The following INSRR variants were observed in gnomAD, a reference collection of about 807,000 sequenced individuals.
The protein encoded by INSRR is insulin receptor related receptor.
Under a neutral mutation model 130.0 loss-of-function variants are expected in INSRR, and 114 were observed. The ratio of observed to expected loss-of-function variants is 0.88; its 90% CI spans 0.75 to 1.02. The LOEUF is 1.02. Among genes scored for constraint, INSRR ranks in the 50% least tolerant of loss-of-function variants. The pLI, the probability that INSRR is intolerant of heterozygous loss-of-function variation, is 0.00. For missense variants in INSRR, 1,657 were observed against 1,735.2 expected (o/e 0.95, Z 0.80); for synonymous variants, 674 against 705.2 (o/e 0.96, Z 0.70).
At chr1:156,856,018 G>A (rs907851031) in intron 1 of INSRR, among the ~76,000 whole-genome samples, 5 of 151,696 alleles carry the variant, frequency 3.3e-5, no homozygotes, top group Non-Finnish European at 5.9e-5. Context: ...ATAGTTTGCT[G>A]CATACTTGAA....
At chr1:156,849,497 T>TGGGGGGTGGG in intron 5 of INSRR, 37 bp from the exon 6 acceptor site, 1 of 243,944 alleles carries the variant, frequency 4.1e-6, no homozygotes, top group Non-Finnish European at 7.8e-6. Context: ...TGCGGGGAGG[T>TGGGGGGTGGG]GGGGGCAGGG....
chr1:156,849,509 G>GGC, intron 5 of INSRR, 49 bp from the exon 6 acceptor site: 2 of 1,105,816 alleles, frequency 1.8e-6, no homozygotes, highest in Admixed American at 3.7e-5. Flanking sequence ...GGGGCAGGGG[G>GGC]TGGGAAAGGG....
chr1:156,856,560 T>A (rs1243879430), intron 1 of INSRR, among the ~76,000 whole-genome samples: 1 of 152,202 alleles, frequency 6.6e-6, no homozygotes, highest in Non-Finnish European at 1.5e-5. Context: ...TCCCTGACCC[T>A]CTGGCCTGGA....
At position 156,844,260 on chromosome 1, in the gene INSRR, GC is replaced by G. The variant is rs772259106; in HGVS notation, c.2757del (p.Leu920CysfsTer37). 36 of 1,613,424 alleles carry G rather than the reference GC, an allele frequency of 2.2e-5. No individual in the cohort carries two copies. Among genetic ancestry groups the G allele is most frequent in the Non-Finnish European group, 3.1e-5 (36 of 1,179,716 alleles). On this transcript the variant is annotated frameshift_variant, in exon 15 of 22. Coordinates refer to ENST00000368195, the MANE Select transcript of INSRR (RefSeq NM_014215.3). LOFTEE classifies it high-confidence loss of function. ...GGGGTGGCAGTGAGGAGGACATGCA[GC>G]CCCCCAGCATCCTCCTCCTCTGGCA... Reference protein sequence around the residue: ...ILGPEEEDAGGLHVLLTATPV... With the variant: ...ILGPEEEDAGXLHVLLTATPV...
At chr1:156,857,907 CTA>C (rs1655466195) in intron 1 of INSRR, among the ~76,000 whole-genome samples, 1 of 152,286 alleles carries the variant, frequency 6.6e-6, no homozygotes, top group African/African-American at 2.4e-5. Flanking sequence ...GTCATTTAGT[CTA>C]TATAGTCCCC....
At chr1:156,845,563 C>T (rs1335930506) in intron 10 of INSRR, 56 bp downstream of exon 10, 2 of 1,480,046 alleles carry the variant, frequency 1.4e-6, no homozygotes, top group Non-Finnish European at 1.8e-6. Context: ...CCGCAAGACC[C>T]GCCCCTCACA....
At chr1:156,851,589 G>A in intron 4 of INSRR, 57 bp downstream of exon 4, 1 of 1,612,566 alleles carries the variant, frequency 6.2e-7, no homozygotes, top group Non-Finnish European at 8.5e-7. Flanking sequence ...TAAGGGTTGT[G>A]TCTGGGAGGA....
At chr1:156,846,382 A>G in intron 8 of INSRR, 137 bp downstream of exon 8, 1 of 787,122 alleles carries the variant, frequency 1.3e-6, no homozygotes, top group Non-Finnish European at 2.0e-6. Context: ...CCTTCTTTCT[A>G]GGACTCAAGC....
intron 15 of INSRR, 106 bp from the exon 16 acceptor site, chr1:156,843,585 C>T (rs1487255616): frequency 2.5e-6 from 3 of 1,184,692 alleles, no homozygotes; most frequent in African/African-American, 3.0e-5. Context: ...AGTTACTGAC[C>T]ACACCCCCAG....
chr1:156,840,935 C>T lies in INSRR; in HGVS notation c.3832G>A (p.Glu1278Lys). 2 of 1,614,110 alleles carry T rather than the reference C, an allele frequency of 1.2e-6. No homozygotes were observed. The highest frequency in any genetic ancestry group is 8.5e-7 in the Non-Finnish European group (1 of 1,179,996). Residue 1278 changes from glutamate to lysine, a missense_variant, in exon 22 of 22, where the codon GAG becomes AAG. Transcript: ENST00000368195. ...CTTGGAGTGGGTGAGGAGTCAGGCT[C>T]TGCATCGGTGGTAGGCAGGGAGCCC... ...ARGSLPTTDA[E>K]PDSSPTPRDC...
chr1:156,849,916 CTT>C lies in INSRR; in HGVS notation c.1230-458_1230-457del, dbSNP rs56654147. Among the ~76,000 whole-genome samples, 300 of 146,308 alleles carry C rather than the reference CTT, an allele frequency of 2.1e-3. 2 individuals carry two copies. The highest frequency in any genetic ancestry group is 7.1e-3 in the African/African-American group (283 of 40,100). ...ACTAGACTAGATGACTAGATGGTAA[CTT>C]TTTTTTTTTTTCCTCACTCTGTCAT... On this transcript the variant is annotated intron_variant, in intron 5 of 21. Coordinates refer to ENST00000368195, the MANE Select transcript of INSRR (RefSeq NM_014215.3).
Position 156,855,072 on chromosome 1 carries a change from T to C in INSRR, c.86-769A>G, listed in dbSNP as rs142050041. Reference sequence around the variant, plus strand: ...TTCTGCCTTGGGGTCTTTGTCCTTCTGTTCCTTCTGGCCAGAATCCTCTTC... The same window carrying C: ...TTCTGCCTTGGGGTCTTTGTCCTTCCGTTCCTTCTGGCCAGAATCCTCTTC... On this transcript the variant is annotated intron_variant, in intron 1 of 21. Coordinates refer to ENST00000368195, the MANE Select transcript of INSRR (RefSeq NM_014215.3). Among the ~76,000 whole-genome samples the C allele has an allele frequency of 8.4e-3, 1,283 of 152,308 alleles. 22 individuals are homozygous for C. The highest frequency in any genetic ancestry group is 0.03 in the African/African-American group (1,227 of 41,554).
In INSRR at chr1:156,843,225, G is replaced by A; in HGVS notation, c.2905C>T (p.Pro969Ser). ...EYFSASDMYV[P>S]DEWEVPREQI... The stretch of plus-strand genomic sequence containing the variant: ...TCCCGAGGCACCTCCCATTCATCAG[G>A]GACATACACTGCAAGGAGGTGGAGG... Residue 969 changes from proline to serine, a missense_variant, in exon 17 of 22, where the codon CCT becomes TCT. By Grantham distance (74) the Pro-to-Ser change is moderately conservative (BLOSUM62 -1). Transcript: ENST00000368195. The A allele has an allele frequency of 6.2e-7, 1 of 1,613,982 alleles. No individual in the cohort carries two copies. The highest frequency in any genetic ancestry group is 8.5e-7 in the Non-Finnish European group (1 of 1,179,940).
intron 19 of INSRR, 45 bp from the exon 20 acceptor site, chr1:156,841,839 C>G: frequency 6.2e-7 from 1 of 1,613,998 alleles, no homozygotes; most frequent in Non-Finnish European, 8.5e-7. Context: ...GGCATAAGAG[C>G]CACGCACTAG....
At position 156,849,269 on chromosome 1, in the gene INSRR, C is replaced by CG; in HGVS notation, c.1420dup (p.Arg474ProfsTer34). Reference sequence around the variant, plus strand: ...ACAGGCGGCGCGGTCTCCGTTGGTGCGGGGGTTGATCTCAGCCTTGTTCTG... The same window carrying CG: ...ACAGGCGGCGCGGTCTCCGTTGGTGCGGGGGGTTGATCTCAGCCTTGTTCTG... On this transcript the variant is annotated frameshift_variant, in exon 6 of 22. Transcript: ENST00000368195. LOFTEE classifies it high-confidence loss of function. 6.2e-7 allele frequency: 1 copy of CG among 1,613,830 alleles called. No homozygotes were observed. The highest frequency in any genetic ancestry group is 8.5e-7 in the Non-Finnish European group (1 of 1,179,974).
Position 156,857,053 on chromosome 1 carries a change from T to C in INSRR, c.85+1484A>G, listed in dbSNP as rs568845239. ...CACGCTATCCAGGCCCCATTCCTGA[T>C]AGTTTGTTAAGAGAGGTGGGCAGGC... On this transcript the variant is annotated intron_variant, in intron 1 of 21. Transcript: ENST00000368195. Among the ~76,000 whole-genome samples, 85 of 151,922 alleles carry C rather than the reference T, an allele frequency of 5.6e-4. 1 individual carries two copies. Among genetic ancestry groups the C allele is most frequent in the Non-Finnish European group, 9.0e-4 (61 of 67,992 alleles).
At position 156,840,679 on chromosome 1, in the gene INSRR, C is replaced by T; in HGVS notation, c.*194G>A. 1.6e-6 allele frequency: 1 copy of T among 608,414 alleles called. No individual in the cohort carries two copies. Among genetic ancestry groups the T allele is most frequent in the South Asian group, 2.0e-5 (1 of 50,684 alleles). 37.7% of individuals were successfully genotyped at this position (608,414 alleles called of 1,614,324 possible). On this transcript the variant is annotated 3_prime_UTR_variant, in exon 22 of 22. Transcript: ENST00000368195. The stretch of plus-strand genomic sequence containing the variant: ...CCTGCTTGCTCTCCCCCGAGGGACT[C>T]AGAGTCTGAGAAACTCCTATGGTGA...
In INSRR at chr1:156,840,780, T is replaced by G. The variant is rs2102851191; in HGVS notation, c.*93A>C. ...CCCTCGGCCATCCCTTGCCCTGAGT[T>G]GGGGTGGGGGTGAACATTCAGGCGT... On this transcript the variant is annotated 3_prime_UTR_variant, in exon 22 of 22. Coordinates refer to ENST00000368195, the MANE Select transcript of INSRR (RefSeq NM_014215.3). 1 of 968,482 alleles carries G rather than the reference T, an allele frequency of 1.0e-6. No individual in the cohort carries two copies. The highest frequency in any genetic ancestry group is 1.6e-6 in the Non-Finnish European group (1 of 623,672). 60.0% of individuals were successfully genotyped at this position (968,482 alleles called of 1,614,324 possible).
At chr1:156,844,412 C>A in intron 14 of INSRR, 50 bp downstream of exon 14, 2 of 1,589,810 alleles carry the variant, frequency 1.3e-6, no homozygotes, top group South Asian at 1.1e-5. Flanking sequence ...GGGCTGGGGA[C>A]CAGGTAGGGC....
Sources: allele counts gnomAD v4.1 joint callset (sites outside exome capture counted in the v4.1 genomes callset), GRCh38; gene constraint gnomAD v4.1.1; transcripts MANE v1.5; gene names NCBI Gene and HGNC (gene_info 2026-07-23, HGNC 2026-07-21).